TMEM232: variants seen among roughly 807,000 people sequenced by gnomAD.
TMEM232 encodes the protein transmembrane protein 232.
Under a neutral mutation model 78.8 loss-of-function variants are expected in TMEM232, and 80 were observed. The ratio of observed to expected loss-of-function variants is 1.01; its 90% confidence interval spans 0.85 to 1.22. TMEM232 has a LOEUF of 1.22. Ranked by LOEUF, TMEM232 falls within the 50% of genes most tolerant of loss-of-function variation. The probability of loss-of-function intolerance (pLI) is 0.00; values close to 1 mark genes in which losing one functional copy is unlikely to be tolerated. For synonymous variants in TMEM232, 297 were observed against 254.3 expected (o/e 1.17, Z -1.60); for missense variants, 881 against 742.2 (o/e 1.19, Z -2.17).
At chr5:110,494,836 A>G (rs1009964071) in intron 12 of TMEM232, among the ~76,000 whole-genome samples, 11 of 151,972 alleles carry the variant, frequency 7.2e-5, no homozygotes, top group African/African-American at 2.7e-4. Flanking sequence ...TTAATCAAAA[A>G]TAATTAGAAC....
chr5:110,674,972 TGAATG>T (rs1317613845), intron 1 of TMEM232, among the ~76,000 whole-genome samples: 1 of 152,240 alleles, frequency 6.6e-6, no homozygotes, highest in Non-Finnish European at 1.5e-5. Context: ...TAATTAGCTC[TGAATG>T]GAATAAAACT....
At chr5:110,672,020 A>G (rs567718977) in intron 1 of TMEM232, among the ~76,000 whole-genome samples, 2 of 152,322 alleles carry the variant, frequency 1.3e-5, no homozygotes, top group South Asian at 2.1e-4. Flanking sequence ...TGGAAAAGAA[A>G]AAAATACAGG....
chr5:110,390,956 A>AGG (rs1755154471), intron 3 of TMEM232, among the ~76,000 whole-genome samples: 1 of 152,214 alleles, frequency 6.6e-6, no homozygotes, highest in Admixed American at 6.5e-5. Flanking sequence ...ATTATAATAC[A>AGG]CACACTCTAG....
intron 11 of TMEM232, among the ~76,000 whole-genome samples, chr5:110,538,279 C>T (rs550711403): frequency 2.0e-4 from 30 of 152,202 alleles, no homozygotes; most frequent in African/African-American, 2.4e-4. Context: ...CAATCCACCA[C>T]GGACATTAGA....
At chr5:110,470,261 T>G (rs1483380016) in intron 12 of TMEM232, among the ~76,000 whole-genome samples, 2 of 152,158 alleles carry the variant, frequency 1.3e-5, no homozygotes, top group Non-Finnish European at 2.9e-5. Context: ...GTCAGAGTTA[T>G]AGCTACAACC....
rs115815361 is a variant in TMEM232, at chr5:110,628,222, A to C, written c.502-342T>G. On this transcript the variant is annotated intron_variant, in intron 5 of 13. Coordinates refer to ENST00000455884, the MANE Select transcript of TMEM232 (RefSeq NM_001039763.4). The stretch of plus-strand genomic sequence containing the variant: ...TGAGAGGAGATTTTTAAATAAAATA[A>C]AAGAGAAGAAAAAATATATTTTACT... Among the ~76,000 whole-genome samples, 434 of 151,994 alleles carry C rather than the reference A, an allele frequency of 2.9e-3. 3 individuals carry two copies. The highest frequency in any genetic ancestry group is 0.01 in the African/African-American group (423 of 41,330).
At chr5:110,567,728 A>T (rs77348622) in intron 11 of TMEM232, among the ~76,000 whole-genome samples, 1 of 152,024 alleles carries the variant, frequency 6.6e-6, no homozygotes, top group East Asian at 1.9e-4. Flanking sequence ...AAATCACTGA[A>T]GTTAAGACCA....
intron 8 of TMEM232, among the ~76,000 whole-genome samples, chr5:110,611,644 CTGAT>C (rs1344653951): frequency 2.6e-5 from 4 of 152,066 alleles, no homozygotes; most frequent in Non-Finnish European, 5.9e-5. Context: ...TTATGAGACA[CTGAT>C]TGGGGCTGCA....
chr5:110,568,364 C>T, intron 11 of TMEM232, 83 bp downstream of exon 11: 3 of 1,242,988 alleles, frequency 2.4e-6, no homozygotes, highest in Non-Finnish European at 3.3e-6. Flanking sequence ...TGAATGTAGA[C>T]ATTCCTTTTA....
intron 11 of TMEM232, among the ~76,000 whole-genome samples, chr5:110,564,414 G>T (rs1233029679): frequency 2.0e-5 from 3 of 151,870 alleles, no homozygotes; most frequent in African/African-American, 2.4e-5. Flanking sequence ...TGAATATGGA[G>T]AAAAATATAT....
At chr5:110,422,773 AG>A (rs1304154643) in intron 13 of TMEM232, among the ~76,000 whole-genome samples, 3 of 152,140 alleles carry the variant, frequency 2.0e-5, no homozygotes, top group African/African-American at 7.2e-5. Context: ...CATTAGGCTT[AG>A]GAAAAAGCAT....
intron 7 of TMEM232, among the ~76,000 whole-genome samples, chr5:110,620,802 T>C (rs2149907429): frequency 6.6e-6 from 1 of 151,732 alleles, no homozygotes; most frequent in Admixed American, 6.6e-5. Flanking sequence ...ACCTGCGAAT[T>C]TTCCAGATAG....
chr5:110,630,983 CCT>C (rs1406183842), intron 5 of TMEM232, among the ~76,000 whole-genome samples: 2 of 152,064 alleles, frequency 1.3e-5, no homozygotes, highest in African/African-American at 2.4e-5. Flanking sequence ...CACTCACACC[CCT>C]GAGACCTAAG....
At chr5:110,704,602 T>C (rs1795745038) in intron 1 of TMEM232, among the ~76,000 whole-genome samples, 2 of 152,050 alleles carry the variant, frequency 1.3e-5, no homozygotes, top group Non-Finnish European at 2.9e-5. Flanking sequence ...ACCACTAATC[T>C]AATTAATATG....
chr5:110,416,733 T>C (rs78986162), downstream of TMEM232, among the ~76,000 whole-genome samples: 4,853 of 152,270 alleles, frequency 0.032, 263 homozygotes, highest in African/African-American at 0.11. Context: ...TAAATTATAA[T>C]TGGTAAACAT....
At chr5:110,546,384 G>A (rs951481978) in intron 11 of TMEM232, among the ~76,000 whole-genome samples, 1 of 151,952 alleles carries the variant, frequency 6.6e-6, no homozygotes, top group Admixed American at 6.6e-5. Flanking sequence ...CATATAAATT[G>A]CATATTTATT....
At chr5:110,528,003 C>T (rs1293663563) in intron 12 of TMEM232, among the ~76,000 whole-genome samples, 1 of 151,880 alleles carries the variant, frequency 6.6e-6, no homozygotes, top group Non-Finnish European at 1.5e-5. Flanking sequence ...AACATCTTAA[C>T]ATTCTGTGTA....
chr5:110,653,914 G>A (rs75418293), intron 2 of TMEM232, among the ~76,000 whole-genome samples: 2 of 152,188 alleles, frequency 1.3e-5, no homozygotes, highest in Non-Finnish European at 2.9e-5. Flanking sequence ...CGACATATCA[G>A]TGATGATCAA....
At chr5:110,705,222 T>A (rs1160214990) in intron 1 of TMEM232, among the ~76,000 whole-genome samples, 2 of 152,124 alleles carry the variant, frequency 1.3e-5, no homozygotes, top group African/African-American at 2.4e-5. Flanking sequence ...ATCAAACATG[T>A]CTTATCAACA....
Sources: gnomAD v4.1 joint callset for allele counts (sites outside exome capture counted in the v4.1 genomes callset) on GRCh38, gnomAD v4.1.1 for gene constraint, MANE v1.5 for transcripts, NCBI Gene and HGNC (gene_info 2026-07-23, HGNC 2026-07-21) for gene names.